RPS19: variants seen among roughly 807,000 people sequenced by gnomAD.
RPS19 encodes small ribosomal subunit protein eS19.
Under a neutral mutation model 20.3 loss-of-function variants are expected in RPS19, and 1 was observed. That is an observed-to-expected ratio of 0.05 (90% confidence interval 0.02 to 0.23). The LOEUF (loss-of-function observed/expected upper bound fraction) is 0.23, where lower values mean the gene tolerates loss of function less well. Ranked by LOEUF, RPS19 falls within the 10% of genes least tolerant of loss-of-function variation. The probability of loss-of-function intolerance (pLI) is 1.00; values close to 1 mark genes in which losing one functional copy is unlikely to be tolerated. For synonymous variants in RPS19, 87 were observed against 74.8 expected, an observed-to-expected ratio of 1.16 and a Z score of -0.84; for missense variants, 111 against 192.7, an observed-to-expected ratio of 0.58 and a Z score of 2.51.
intron 5 of RPS19, 42 bp from the exon 6 acceptor site, chr19:41,871,309 G>C (rs781832331): frequency 1.2e-6 from 2 of 1,608,062 alleles, no homozygotes; most frequent in Non-Finnish European, 1.7e-6. Context: ...CCCCAGCAGA[G>C]ACCCCCTTGA....
In RPS19 at chr19:41,872,746, T is replaced by C. The variant is rs1555842286; in HGVS notation, c.*1369T>C. 6.6e-6 allele frequency: 1 copy of C among 152,034 alleles called. No homozygotes were observed. Among genetic ancestry groups the C allele is most frequent in the Non-Finnish European group, 1.5e-5 (1 of 68,016 alleles). 9.4% of individuals were successfully genotyped at this position (152,034 alleles called of 1,614,324 possible). A position where few individuals can be genotyped will look rare whatever the true frequency, so the allele number is the denominator to read the frequency against. On this transcript the variant is annotated 3_prime_UTR_variant, in exon 6 of 6. Coordinates refer to ENST00000598742, the MANE Select transcript of RPS19 (RefSeq NM_001022.4). The stretch of plus-strand genomic sequence containing the variant: ...AACCCTGTCTCTAAAAATACCAAAA[T>C]TAGTTGGGCATGGTGGCGCGCACCT...
chr19:41,868,936 T>G lies in RPS19; in HGVS notation c.173-95T>G, dbSNP rs546507604. On this transcript the variant is annotated intron_variant, in intron 3 of 5. Coordinates refer to ENST00000598742, the MANE Select transcript of RPS19 (RefSeq NM_001022.4). ...AGTGTGTGTTTTCAGTTTCCCTTCT[T>G]ATAAAACAGTGAGAATTAGCTGTTT... 3.1e-6 allele frequency: 4 copies of G among 1,303,228 alleles called. No individual in the cohort carries two copies. The African/African-American group carries it at 4.4e-5, about 14-fold the overall frequency. 80.7% of individuals were successfully genotyped at this position (1,303,228 alleles called of 1,614,324 possible).
chr19:41,863,111 G>C (rs1420451037), intron 3 of RPS19, among the ~76,000 whole-genome samples: 1 of 152,160 alleles, frequency 6.6e-6, no homozygotes, highest in Non-Finnish European at 1.5e-5. Flanking sequence ...GCAGCTTCTT[G>C]GGCTCAAGTG....
intron 1 of RPS19, chr19:41,860,500 T>TG (rs1248478352): frequency 4.7e-4 from 234 of 497,088 alleles, no homozygotes; most frequent in Admixed American, 2.4e-3. Context: ...GCGGGGTGCG[T>TG]GGGGCGTCCG....
At chr19:41,869,349 C>A in intron 4 of RPS19, 135 bp downstream of exon 4, 1 of 861,082 alleles carries the variant, frequency 1.2e-6, no homozygotes, top group Non-Finnish European at 1.8e-6. Context: ...GGGGATTCTG[C>A]AGAAAAGCAA....
chr19:41,861,398 A>G (rs1267022244), intron 3 of RPS19, 186 bp downstream of exon 3: 13 of 620,544 alleles, frequency 2.1e-5, no homozygotes, highest in Middle Eastern at 2.5e-4. Context: ...ATGACATTCT[A>G]AGAGCTTTGT....
chr19:41,871,391 G>A lies in RPS19; in HGVS notation c.*14G>A. 1 of 1,612,266 alleles carries A rather than the reference G, an allele frequency of 6.2e-7. No individual in the cohort carries two copies. Among genetic ancestry groups the A allele is most frequent in the Non-Finnish European group, 8.5e-7 (1 of 1,178,458 alleles). On this transcript the variant is annotated 3_prime_UTR_variant, in exon 6 of 6. Transcript: ENST00000598742. ...AAGAAGCATTAGAACAAACCATGCTGGGTTAATAAATTGCCTCATTCGTAA... is the reference window on the plus strand; with the variant it reads ...AAGAAGCATTAGAACAAACCATGCTAGGTTAATAAATTGCCTCATTCGTAA...
Position 41,868,737 on chromosome 19 carries a change from C to T in RPS19, c.173-294C>T, listed in dbSNP as rs61762290. ...CATGGAGATGGTCACAGCTAGGCTCCACCCCTACATAACCTCAGGTTCAAT... is the reference window on the plus strand; with the variant it reads ...CATGGAGATGGTCACAGCTAGGCTCTACCCCTACATAACCTCAGGTTCAAT... On this transcript the variant is annotated intron_variant, in intron 3 of 5. Transcript: ENST00000598742. 3.6e-3 allele frequency among the ~76,000 whole-genome samples: 548 copies of T among 152,306 alleles called. 2 individuals carry two copies. The highest frequency in any genetic ancestry group is 5.8e-3 in the Non-Finnish European group (392 of 68,030).
intron 3 of RPS19, among the ~76,000 whole-genome samples, chr19:41,867,065 C>T (rs1208857332): frequency 6.6e-6 from 1 of 151,744 alleles, no homozygotes; most frequent in Non-Finnish European, 1.5e-5. Context: ...CACCTGTAAT[C>T]CCAGCACTTT....
chr19:41,869,022 T>A lies in RPS19; in HGVS notation c.173-9T>A, dbSNP rs782552614. On this transcript the variant is annotated splice_polypyrimidine_tract_variant and intron_variant, in intron 3 of 5. Coordinates refer to ENST00000598742, the MANE Select transcript of RPS19 (RefSeq NM_001022.4). Reference sequence around the variant, plus strand: ...AGACCCTTAAATCTCCCTCTCACACTACCCCCAGCTTCCACAGCGCGGCAC... The same window carrying A: ...AGACCCTTAAATCTCCCTCTCACACAACCCCCAGCTTCCACAGCGCGGCAC... The A allele has an allele frequency of 1.9e-6, 3 of 1,613,446 alleles. No individual in the cohort carries two copies. Among genetic ancestry groups the A allele is most frequent in the Non-Finnish European group, 2.5e-6 (3 of 1,179,742 alleles).
chr19:41,860,752 A>C, intron 1 of RPS19, 23 bp from the exon 2 acceptor site: 1 of 1,594,686 alleles, frequency 6.3e-7, no homozygotes, highest in Non-Finnish European at 8.6e-7. Context: ...GCCTGTGTTC[A>C]CATGCTTGAC....
Position 41,868,512 on chromosome 19 carries a change from A to G in RPS19, c.173-519A>G, listed in dbSNP as rs957274285. On this transcript the variant is annotated intron_variant, in intron 3 of 5. Coordinates refer to ENST00000598742, the MANE Select transcript of RPS19 (RefSeq NM_001022.4). Reference sequence around the variant, plus strand: ...CTGGATTTTACGGAGCTTTTTTTGCAGGCAAGGAGGCTGGCTGGGGTGGAC... The same window carrying G: ...CTGGATTTTACGGAGCTTTTTTTGCGGGCAAGGAGGCTGGCTGGGGTGGAC... 2.0e-5 allele frequency among the ~76,000 whole-genome samples: 3 copies of G among 152,248 alleles called. 1 individual carries two copies. Among genetic ancestry groups the G allele is most frequent in the African/African-American group, 7.2e-5 (3 of 41,546 alleles).
intron 4 of RPS19, 23 bp downstream of exon 4, chr19:41,869,237 C>A: frequency 6.2e-7 from 1 of 1,603,978 alleles, no homozygotes; most frequent in Non-Finnish European, 8.5e-7. Context: ...GAGGGGGCTG[C>A]ATTGATGGAG....
In RPS19 at chr19:41,869,222, G is replaced by A; in HGVS notation, c.356+8G>A. 1 of 1,611,852 alleles carries A rather than the reference G, an allele frequency of 6.2e-7. No individual in the cohort carries two copies. Among genetic ancestry groups the A allele is most frequent in the South Asian group, 1.1e-5 (1 of 90,988 alleles). On this transcript the variant is annotated splice_region_variant and intron_variant, in intron 4 of 5. Coordinates refer to ENST00000598742, the MANE Select transcript of RPS19 (RefSeq NM_001022.4). ...GGAAAAGGACCAAGATGGGTAAGCA[G>A]GGTAGAGGGGGCTGCATTGATGGAG...
intron 3 of RPS19, among the ~76,000 whole-genome samples, chr19:41,867,976 A>C (rs2074107127): frequency 6.6e-6 from 1 of 152,168 alleles, no homozygotes; most frequent in Non-Finnish European, 1.5e-5. Context: ...GGCTGGGAAC[A>C]AGCGGTGTGT....
At chr19:41,866,277 A>G (rs1184614366) in intron 3 of RPS19, among the ~76,000 whole-genome samples, 1 of 152,164 alleles carries the variant, frequency 6.6e-6, no homozygotes, top group Admixed American at 6.5e-5. Flanking sequence ...GCAGGATAAC[A>G]GGAAAAGCTA....
intron 3 of RPS19, among the ~76,000 whole-genome samples, chr19:41,865,337 G>A (rs757421594): frequency 1.4e-4 from 21 of 150,220 alleles, no homozygotes; most frequent in Non-Finnish European, 2.5e-4. Context: ...CTGCACTCCA[G>A]CCTGGGCAAC....
At position 41,872,353 on chromosome 19, in the gene RPS19, T is replaced by C. The variant is rs2074158428; in HGVS notation, c.*976T>C. Reference sequence around the variant, plus strand: ...TCCCAGGATTCCCCTGTCCAAATTATTCCTGGGATCTGACCCATTTCCTGG... The same window carrying C: ...TCCCAGGATTCCCCTGTCCAAATTACTCCTGGGATCTGACCCATTTCCTGG... On this transcript the variant is annotated 3_prime_UTR_variant, in exon 6 of 6. Transcript: ENST00000598742. The C allele has an allele frequency of 6.6e-6, 1 of 152,296 alleles. No homozygotes were observed. The highest frequency in any genetic ancestry group is 2.1e-4 in the South Asian group (1 of 4,838). 9.4% of individuals were successfully genotyped at this position (152,296 alleles called of 1,614,324 possible). A position where few individuals can be genotyped will look rare whatever the true frequency, so the allele number is the denominator to read the frequency against.
In RPS19 at chr19:41,861,225, G is replaced by T; in HGVS notation, c.172+13G>T. On this transcript the variant is annotated intron_variant, in intron 3 of 5. Coordinates refer to ENST00000598742, the MANE Select transcript of RPS19 (RefSeq NM_001022.4). ...TACACGCGAGCTGGTGAGGAACTTA[G>T]GTCTTTGGCTGGAGAGTGGGGAGCT... The T allele has an allele frequency of 6.2e-7, 1 of 1,604,274 alleles. No homozygotes were observed. Among genetic ancestry groups the T allele is most frequent in the South Asian group, 1.1e-5 (1 of 90,862 alleles).
Sources: gnomAD v4.1 joint callset for allele counts (sites outside exome capture counted in the v4.1 genomes callset) on GRCh38, gnomAD v4.1.1 for gene constraint, MANE v1.5 for transcripts, NCBI Gene and HGNC (gene_info 2026-07-23, HGNC 2026-07-21) for gene names.